The following WWOX variants were observed in gnomAD, a reference collection of about 807,000 sequenced individuals.
WWOX encodes WW domain-containing oxidoreductase.
A neutral mutation model predicts 46.2 loss-of-function variants in WWOX; 69 were observed. The ratio of observed to expected loss-of-function variants is 1.49; its 90% confidence interval spans 1.23 to 1.82. WWOX has a LOEUF of 1.82. Among genes scored for constraint, WWOX ranks in the 40% most tolerant of loss-of-function variants. The pLI is 0.00. For missense variants in WWOX, 919 were observed against 542.6 expected (o/e 1.69, Z -6.89); for synonymous variants, 359 against 202.6 (o/e 1.77, Z -6.56).
intron 8 of WWOX, among the ~76,000 whole-genome samples, chr16:78,625,156 A>T (rs552539297): frequency 1.1e-4 from 17 of 152,282 alleles, no homozygotes; most frequent in African/African-American, 3.4e-4. Flanking sequence ...GAACATCACC[A>T]ATCACGCTGA....
intron 8 of WWOX, among the ~76,000 whole-genome samples, chr16:78,728,146 C>A (rs374646905): frequency 2.7e-5 from 4 of 145,558 alleles, no homozygotes; most frequent in Admixed American, 2.1e-4. Flanking sequence ...GTTACTGCAG[C>A]CTTAACCTCC....
intron 8 of WWOX, among the ~76,000 whole-genome samples, chr16:79,082,519 C>T (rs1008526646): frequency 1.3e-5 from 2 of 152,184 alleles, no homozygotes; most frequent in African/African-American, 4.8e-5. Flanking sequence ...CCCAAAGGAA[C>T]TGTGTGCCTC....
chr16:78,592,565 G>C lies in WWOX; in HGVS notation c.1056+159813G>C, dbSNP rs565154792. Among the ~76,000 whole-genome samples the C allele has an allele frequency of 5.3e-5, 8 of 152,312 alleles. 1 individual carries two copies. Among genetic ancestry groups the C allele is most frequent in the Admixed American group, 5.2e-4 (8 of 15,288 alleles). On this transcript the variant is annotated intron_variant, in intron 8 of 8. Coordinates refer to ENST00000566780, the MANE Select transcript of WWOX (RefSeq NM_016373.4). ...AAGAATCAGGAGGCAAAGAGAAGGA[G>C]GAAGAAGCCTCAGTGGGGTTGCTTC... is the stretch of plus-strand genomic sequence containing the variant.
chr16:78,406,760 G>C (rs1033769849), intron 6 of WWOX, among the ~76,000 whole-genome samples: 6 of 151,892 alleles, frequency 4.0e-5, no homozygotes, highest in Non-Finnish European at 5.9e-5. Flanking sequence ...CCCAGTAGCT[G>C]GGATTACAGT....
At chr16:78,288,607 T>G (rs1205444172) in intron 5 of WWOX, among the ~76,000 whole-genome samples, 1 of 152,232 alleles carries the variant, frequency 6.6e-6, no homozygotes, top group Admixed American at 6.5e-5. Flanking sequence ...TACCAATCCC[T>G]TGTATTTTAG....
intron 8 of WWOX, among the ~76,000 whole-genome samples, chr16:79,085,538 A>G (rs1245795755): frequency 6.6e-6 from 1 of 152,138 alleles, no homozygotes; most frequent in Non-Finnish European, 1.5e-5. Flanking sequence ...CTATAAAGAA[A>G]ATTTCTCTGG....
At chr16:78,384,235 C>T (rs1352978001) in intron 5 of WWOX, among the ~76,000 whole-genome samples, 1 of 152,100 alleles carries the variant, frequency 6.6e-6, no homozygotes, top group Non-Finnish European at 1.5e-5. Flanking sequence ...GCTGCCTTTC[C>T]TCTTGTGATA....
intron 8 of WWOX, among the ~76,000 whole-genome samples, chr16:78,723,867 G>T (rs779066848): frequency 6.6e-6 from 1 of 151,978 alleles, no homozygotes; most frequent in Admixed American, 6.6e-5. Context: ...CATTTAATCT[G>T]TAAAAAATGA....
chr16:78,368,484 G>T (rs971209081), intron 5 of WWOX, among the ~76,000 whole-genome samples: 1 of 152,136 alleles, frequency 6.6e-6, no homozygotes, highest in Non-Finnish European at 1.5e-5. Context: ...TGTGGTAAAA[G>T]CTCTGGGCCA....
chr16:79,106,143 C>T (rs1208107301), intron 8 of WWOX, among the ~76,000 whole-genome samples: 4 of 152,194 alleles, frequency 2.6e-5, no homozygotes, highest in African/African-American at 9.7e-5. Context: ...ACTCCCCAGA[C>T]CTACTGCGTC....
chr16:78,500,816 A>T (rs1001494656), intron 8 of WWOX, among the ~76,000 whole-genome samples: 8 of 152,162 alleles, frequency 5.3e-5, no homozygotes, highest in African/African-American at 1.9e-4. Flanking sequence ...ATCAGTACAG[A>T]CCCAGAGAGC....
intron 8 of WWOX, among the ~76,000 whole-genome samples, chr16:78,500,851 C>A (rs942389069): frequency 2.0e-5 from 3 of 152,172 alleles, no homozygotes; most frequent in Non-Finnish European, 4.4e-5. Context: ...CTGTGCTGGG[C>A]CTGCTAGGAG....
intron 8 of WWOX, chr16:78,825,680 A>C: frequency 1.9e-6 from 1 of 536,672 alleles, no homozygotes; most frequent in South Asian, 1.7e-5. Context: ...TAGGCTGCCA[A>C]GCTGTGGTTT....
rs1031282285 is a variant in WWOX at position 78,754,846 on chromosome 16, G to T, written c.1056+322094G>T. On this transcript the variant is annotated intron_variant, in intron 8 of 8. Transcript: ENST00000566780. ...TGGGCCTGGGAGCTGTACTACCTCA[G>T]CTGGTGGGTGATAACTTACTCACAG... Among the ~76,000 whole-genome samples the T allele has an allele frequency of 1.3e-4, 20 of 152,156 alleles. 1 individual carries two copies. Among genetic ancestry groups the T allele is most frequent in the Non-Finnish European group, 2.1e-4 (14 of 68,036 alleles).
intron 5 of WWOX, among the ~76,000 whole-genome samples, chr16:78,324,220 G>C (rs1184123816): frequency 6.6e-6 from 1 of 152,038 alleles, no homozygotes; most frequent in African/African-American, 2.4e-5. Context: ...TGAGGTGGTG[G>C]CTTCTTGTTT....
intron 8 of WWOX, among the ~76,000 whole-genome samples, chr16:79,089,133 C>T (rs1196543715): frequency 2.0e-5 from 3 of 152,094 alleles, no homozygotes; most frequent in Non-Finnish European, 4.4e-5. Flanking sequence ...AGGAAGGCCG[C>T]ATATGGTGGG....
At chr16:78,347,540 A>G (rs67175168) in intron 5 of WWOX, among the ~76,000 whole-genome samples, 23,973 of 117,256 alleles carry the variant, frequency 0.2, 7,467 homozygotes, top group South Asian at 0.44. Context: ...TGAGCTTCTT[A>G]GGCGTGTTGC....
intron 8 of WWOX, among the ~76,000 whole-genome samples, chr16:78,575,252 C>A (rs892977533): frequency 2.7e-5 from 4 of 148,110 alleles, no homozygotes; most frequent in African/African-American, 9.9e-5. Flanking sequence ...GACAACACAT[C>A]AAAACTGACT....
intron 8 of WWOX, among the ~76,000 whole-genome samples, chr16:78,883,482 G>T (rs140867428): frequency 6.6e-6 from 1 of 152,118 alleles, no homozygotes. Flanking sequence ...CCAGCATTGC[G>T]GGAGGCTGAG....
Sources: allele counts gnomAD v4.1 joint callset (sites outside exome capture counted in the v4.1 genomes callset), GRCh38; gene constraint gnomAD v4.1.1; transcripts MANE v1.5; gene names NCBI Gene and HGNC (gene_info 2026-07-23, HGNC 2026-07-21).